RPH3A: variants seen among roughly 807,000 people sequenced by gnomAD.
RPH3A encodes the protein rabphilin 3A.
RPH3A carries 48 observed loss-of-function variants against 102.2 expected under a neutral mutation model. The ratio of observed to expected loss-of-function variants is 0.47; its 90% CI spans 0.37 to 0.60. RPH3A has a LOEUF of 0.60. RPH3A is among the 20% of genes least tolerant of loss of function. The pLI, the probability that RPH3A is intolerant of heterozygous loss-of-function variation, is 0.00. For synonymous variants in RPH3A, 310 were observed against 324.3 expected, an observed-to-expected ratio of 0.96 and a Z score of 0.47; for missense variants, 781 against 910.1, an observed-to-expected ratio of 0.86 and a Z score of 1.83.
intron 1 of RPH3A, among the ~76,000 whole-genome samples, chr12:112,627,867 C>A (rs538025526): frequency 6.6e-6 from 1 of 151,916 alleles, no homozygotes; most frequent in Non-Finnish European, 1.5e-5. Flanking sequence ...TTACTTGGCT[C>A]GTGGTCCCAC....
chr12:112,775,241 T>C (rs1284993669), intron 1 of RPH3A, among the ~76,000 whole-genome samples: 1 of 152,094 alleles, frequency 6.6e-6, no homozygotes, highest in East Asian at 1.9e-4. Context: ...AAAAAAAAGT[T>C]TGGAAAAAAC....
intron 1 of RPH3A, among the ~76,000 whole-genome samples, chr12:112,750,033 A>AGG (rs2040776019): frequency 6.6e-6 from 1 of 152,106 alleles, no homozygotes; most frequent in Admixed American, 6.5e-5. Flanking sequence ...TTCCAAACGA[A>AGG]GGGGGCCTCC....
chr12:112,768,749 CAA>C (rs2040908540), intron 1 of RPH3A, among the ~76,000 whole-genome samples: 1 of 151,990 alleles, frequency 6.6e-6, no homozygotes, highest in Non-Finnish European at 1.5e-5. Flanking sequence ...CCCATCTCTA[CAA>C]AAATACAAAA....
At chr12:112,675,587 G>T (rs991228275) in intron 1 of RPH3A, among the ~76,000 whole-genome samples, 4 of 152,136 alleles carry the variant, frequency 2.6e-5, no homozygotes, top group African/African-American at 9.7e-5. Context: ...TGATTCAAAA[G>T]CGCATTCTTT....
intron 3 of RPH3A, chr12:112,831,623 G>C: frequency 3.9e-6 from 1 of 256,010 alleles, no homozygotes; most frequent in South Asian, 3.9e-5. Flanking sequence ...CTGAATCTTG[G>C]TGCTTCTTGG....
intron 4 of RPH3A, chr12:112,842,052 T>C: frequency 2.2e-6 from 1 of 456,062 alleles, no homozygotes; most frequent in South Asian, 1.5e-5. Context: ...TGCCAGTCAG[T>C]GATCCAGGCT....
intron 4 of RPH3A, among the ~76,000 whole-genome samples, chr12:112,837,068 G>T (rs1416942410): frequency 1.3e-5 from 2 of 152,146 alleles, no homozygotes; most frequent in African/African-American, 4.8e-5. Context: ...ATTGGATGAC[G>T]GGTCCAATAA....
In RPH3A at chr12:112,897,493, C is replaced by A; in HGVS notation, c.*713C>A. 6.6e-6 allele frequency: 1 copy of A among 152,286 alleles called. No individual in the cohort carries two copies. 9.4% of individuals were successfully genotyped at this position (152,286 alleles called of 1,614,324 possible). On this transcript the variant is annotated 3_prime_UTR_variant, in exon 22 of 22. Transcript: ENST00000389385. ...AACCCTTCCTCTGTCACCTTTTCTC[C>A]TCCTCCCTCTTCTTTCCCTTCCATG... is the stretch of plus-strand genomic sequence containing the variant.
Position 112,829,213 on chromosome 12 carries a change from G to T in RPH3A, c.71+824G>T, listed in dbSNP as rs199621654. Among the ~76,000 whole-genome samples the T allele has an allele frequency of 5.6e-3, 848 of 152,178 alleles. 5 individuals carry two copies. Among genetic ancestry groups the T allele is most frequent in the African/African-American group, 0.019 (804 of 41,526 alleles). ...GACAGTTGAGGATACGGTTATTTTT[G>T]TAAAAAGAATAAATGTCAGGATGTA... On this transcript the variant is annotated intron_variant, in intron 3 of 21. Transcript: ENST00000389385.
chr12:112,833,541 T>A (rs148653626), intron 3 of RPH3A, among the ~76,000 whole-genome samples: 131 of 152,374 alleles, frequency 8.6e-4, no homozygotes, highest in African/African-American at 3.0e-3. Flanking sequence ...GATGTTCTGG[T>A]CATCCAGAAA....
chr12:112,611,542 GA>G (rs1289501448), intron 1 of RPH3A, among the ~76,000 whole-genome samples: 1 of 152,104 alleles, frequency 6.6e-6, no homozygotes, highest in Non-Finnish European at 1.5e-5. Context: ...GGGTTCAAGG[GA>G]TTCTCCTGCT....
chr12:112,708,891 C>T (rs1468809295), intron 1 of RPH3A, among the ~76,000 whole-genome samples: 1 of 152,038 alleles, frequency 6.6e-6, no homozygotes, highest in Non-Finnish European at 1.5e-5. Context: ...ATAAAGAATG[C>T]TATAGATAGG....
intron 1 of RPH3A, among the ~76,000 whole-genome samples, chr12:112,678,931 T>C (rs1483425924): frequency 1.3e-5 from 2 of 152,202 alleles, no homozygotes; most frequent in Non-Finnish European, 2.9e-5. Context: ...ATTTTTCTTC[T>C]GTTTTTCTTT....
chr12:112,693,315 G>A (rs1364535351), intron 1 of RPH3A, among the ~76,000 whole-genome samples: 3 of 152,176 alleles, frequency 2.0e-5, no homozygotes, highest in African/African-American at 7.2e-5. Context: ...TGTCACTCTG[G>A]CTGGTGACAT....
At chr12:112,586,372 G>A (rs779351601) in intron 1 of RPH3A, among the ~76,000 whole-genome samples, 6 of 152,082 alleles carry the variant, frequency 3.9e-5, no homozygotes, top group Admixed American at 6.6e-5. Context: ...AAATATAGCC[G>A]TGGGGAGGGG....
chr12:112,795,870 A>G (rs10492023), intron 2 of RPH3A, among the ~76,000 whole-genome samples: 7,269 of 152,268 alleles, frequency 0.048, 217 homozygotes, highest in Middle Eastern at 0.071. Flanking sequence ...AATATCCAAC[A>G]AATGTTCGCA....
At chr12:112,710,015 C>T (rs1035839806) in intron 1 of RPH3A, among the ~76,000 whole-genome samples, 1 of 152,098 alleles carries the variant, frequency 6.6e-6, no homozygotes, top group Non-Finnish European at 1.5e-5. Flanking sequence ...TACTCTGTCG[C>T]CCAGGCTAGA....
intron 10 of RPH3A, among the ~76,000 whole-genome samples, chr12:112,870,891 TAG>T (rs1270956991): frequency 2.0e-5 from 3 of 152,198 alleles, no homozygotes; most frequent in African/African-American, 4.8e-5. Context: ...GAAGTATTTA[TAG>T]AGTGTTTACT....
chr12:112,804,692 C>T (rs560247894), intron 2 of RPH3A, among the ~76,000 whole-genome samples: 1 of 152,294 alleles, frequency 6.6e-6, no homozygotes, highest in African/African-American at 2.4e-5. Context: ...TACCACAGCC[C>T]CCCGTACTTC....
Sources: gnomAD v4.1 joint callset for allele counts (sites outside exome capture counted in the v4.1 genomes callset) on GRCh38, gnomAD v4.1.1 for gene constraint, MANE v1.5 for transcripts, NCBI Gene and HGNC (gene_info 2026-07-23, HGNC 2026-07-21) for gene names.